Variants in LARP4B observed in about 807,000 individuals in gnomAD.
LARP4B encodes the protein La ribonucleoprotein 4B, also known as la-related protein 4B.
LARP4B carries 12 observed loss-of-function variants against 89.8 expected under a neutral mutation model. The ratio of observed to expected loss-of-function variants is 0.13; its 90% confidence interval spans 0.09 to 0.22. LARP4B has a LOEUF of 0.22. LARP4B is among the 10% of genes least tolerant of loss of function. LARP4B has a pLI of 1.00. For synonymous variants in LARP4B, 367 were observed against 363.3 expected (o/e 1.01, Z -0.12); for missense variants, 757 against 947.7 (o/e 0.80, Z 2.64).
Position 810,059 on chromosome 10 carries a change from T to C in LARP4B, c.*2867A>G, listed in dbSNP as rs113034364. The C allele has an allele frequency of 2.6e-5, 4 of 152,330 alleles. No homozygotes were observed. The highest frequency in any genetic ancestry group is 3.9e-4 in the East Asian group (2 of 5,184). The allele number at this position is 152,330 out of a possible 1,614,324, so 9.4% of individuals were successfully genotyped here. ...AAACGGGACCAGGTTTTTATTCTTCTATTTCAAAATGATAAGCATCATCAC... is the reference window on the plus strand; with the variant it reads ...AAACGGGACCAGGTTTTTATTCTTCCATTTCAAAATGATAAGCATCATCAC... On this transcript the variant is annotated 3_prime_UTR_variant, in exon 18 of 18. Coordinates refer to ENST00000316157, the MANE Select transcript of LARP4B (RefSeq NM_015155.3).
At chr10:941,015 G>A in the LARP4B span, among the ~76,000 whole-genome samples, 1 of 152,200 alleles carries the variant, frequency 6.6e-6, no homozygotes, top group African/African-American at 2.4e-5. Flanking sequence ...CAGAGCCCCG[G>A]ACTTCAGTTT....
In LARP4B at chr10:881,266, C is replaced by A. The variant is rs12255646; in HGVS notation, c.141+3181G>T. On this transcript the variant is annotated intron_variant, in intron 3 of 17. Transcript: ENST00000316157. ...TAAACACCCTCAAAACCCTTTCAAT[C>A]CCCTCTCGCCTTCTATCACCTTACC... Among the ~76,000 whole-genome samples, 1,332 of 152,274 alleles carry A rather than the reference C, an allele frequency of 8.7e-3. 23 individuals are homozygous for A. The highest frequency in any genetic ancestry group is 0.03 in the African/African-American group (1,261 of 41,534).
intron 1 of LARP4B, 140 bp from the exon 2 acceptor site, chr10:885,900 G>A: frequency 2.0e-6 from 1 of 488,622 alleles, no homozygotes; most frequent in Admixed American, 3.8e-5. Flanking sequence ...CTTCCCATAT[G>A]CATACCTTAC....
chr10:943,798 G>A, the LARP4B span, among the ~76,000 whole-genome samples: 1 of 152,080 alleles, frequency 6.6e-6, no homozygotes, highest in Non-Finnish European at 1.5e-5. Flanking sequence ...CCCGGGGAGT[G>A]CAGCGGCATT....
At chr10:933,666 C>G (rs540578312), upstream of LARP4B, among the ~76,000 whole-genome samples, 1 of 152,234 alleles carries the variant, frequency 6.6e-6, no homozygotes, top group African/African-American at 2.4e-5. Context: ...AGAAAACTTG[C>G]TTACCTGGAC....
At chr10:907,789 G>A (rs184566613) in intron 1 of LARP4B, among the ~76,000 whole-genome samples, 13 of 152,318 alleles carry the variant, frequency 8.5e-5, no homozygotes, top group Admixed American at 3.3e-4. Flanking sequence ...CAGAAAGACC[G>A]AGGCAGAATT....
the LARP4B span, among the ~76,000 whole-genome samples, chr10:974,578 G>T: frequency 6.6e-6 from 1 of 152,152 alleles, no homozygotes; most frequent in African/African-American, 2.4e-5. Flanking sequence ...TAAAGCAAGG[G>T]GCTGTGGCGT....
At chr10:879,781 T>C (rs1190048947) in intron 3 of LARP4B, among the ~76,000 whole-genome samples, 1 of 151,080 alleles carries the variant, frequency 6.6e-6, no homozygotes, top group African/African-American at 2.4e-5. Context: ...TCTTTTCTTT[T>C]CTTTTTTTTG....
chr10:882,156 T>C (rs1835693348), intron 3 of LARP4B, among the ~76,000 whole-genome samples: 1 of 152,146 alleles, frequency 6.6e-6, no homozygotes, highest in South Asian at 2.1e-4. Flanking sequence ...GACTACATTA[T>C]GGTGATGATT....
chr10:893,536 A>G (rs918103175), intron 1 of LARP4B, among the ~76,000 whole-genome samples: 4 of 152,180 alleles, frequency 2.6e-5, no homozygotes, highest in Non-Finnish European at 4.4e-5. Flanking sequence ...TCCTTTTCCT[A>G]TTCTGGGCTC....
At chr10:820,168 G>C (rs1004828191) in intron 14 of LARP4B, 1 of 152,334 alleles carries the variant, frequency 6.6e-6, no homozygotes, top group Non-Finnish European at 1.5e-5. Context: ...CCCACCACTG[G>C]CTGTGGAGAA....
rs528680487 is a variant in LARP4B, at chr10:918,787, C to A, written c.-40+12641G>T. Among the ~76,000 whole-genome samples, 19 of 152,178 alleles carry A rather than the reference C, an allele frequency of 1.2e-4. No homozygotes were observed. In the East Asian group the frequency reaches 3.5e-3, roughly 28 times the overall value. The stretch of plus-strand genomic sequence containing the variant: ...AGGATATCTCTGGCTTCAAAGATAA[C>A]CACAATGGGCCAGGTGCGGTGGCTC... On this transcript the variant is annotated intron_variant, in intron 1 of 17. Transcript: ENST00000316157.
At chr10:824,602 G>A (rs990327302) in intron 13 of LARP4B, among the ~76,000 whole-genome samples, 7 of 152,316 alleles carry the variant, frequency 4.6e-5, no homozygotes, top group African/African-American at 9.6e-5. Context: ...GCTAAGACCC[G>A]TCCTGGCTAG....
chr10:849,172 A>T (rs1021679934), intron 5 of LARP4B, among the ~76,000 whole-genome samples: 3 of 152,278 alleles, frequency 2.0e-5, no homozygotes, highest in African/African-American at 7.2e-5. Context: ...GAAAACAGAA[A>T]AAAAGGGAAA....
chr10:866,849 C>T (rs1179734214), intron 3 of LARP4B, among the ~76,000 whole-genome samples: 1 of 152,218 alleles, frequency 6.6e-6, no homozygotes, highest in Admixed American at 6.5e-5. Flanking sequence ...ACCAACAGCA[C>T]TTTGAAAGCA....
chr10:979,924 T>C, the LARP4B span, among the ~76,000 whole-genome samples: 1 of 152,156 alleles, frequency 6.6e-6, no homozygotes, highest in Non-Finnish European at 1.5e-5. Flanking sequence ...TAAGCTGAGA[T>C]CGCACCACTG....
chr10:906,858 G>A (rs1023751123), intron 1 of LARP4B, among the ~76,000 whole-genome samples: 6 of 152,172 alleles, frequency 3.9e-5, no homozygotes, highest in Non-Finnish European at 5.9e-5. Context: ...TCATGAAACT[G>A]TGCAGAAAAC....
At chr10:818,117 G>C in intron 14 of LARP4B, 1 of 474,116 alleles carries the variant, frequency 2.1e-6, no homozygotes, top group Non-Finnish European at 3.8e-6. Flanking sequence ...TGTCACAAAG[G>C]ACACAGTGAG....
chr10:948,735 A>G, the LARP4B span, among the ~76,000 whole-genome samples: 3 of 152,252 alleles, frequency 2.0e-5, no homozygotes, highest in African/African-American at 7.2e-5. Context: ...AGAATGTTCT[A>G]TAAATGGAAT....
Sources: gnomAD v4.1 joint callset for allele counts (sites outside exome capture counted in the v4.1 genomes callset) on GRCh38, gnomAD v4.1.1 for gene constraint, MANE v1.5 for transcripts, NCBI Gene and HGNC (gene_info 2026-07-23, HGNC 2026-07-21) for gene names.